Variants in LRP1B observed in about 807,000 individuals in gnomAD.
The protein encoded by LRP1B is low-density lipoprotein receptor-related protein 1B.
Under a neutral mutation model 556.6 loss-of-function variants are expected in LRP1B, and 217 were observed. The ratio of observed to expected loss-of-function variants is 0.39; its 90% CI spans 0.35 to 0.44. The LOEUF is 0.44. Ranked by LOEUF, LRP1B falls within the 20% of genes least tolerant of loss-of-function variation. The pLI is 1.00. For missense variants in LRP1B, 5,053 were observed against 5,620.8 expected, an observed-to-expected ratio of 0.90 and a Z score of 3.23; for synonymous variants, 2,047 against 1,865.8, an observed-to-expected ratio of 1.10 and a Z score of -2.50.
intron 3 of LRP1B, among the ~76,000 whole-genome samples, chr2:141,260,126 A>G (rs1684629930): frequency 6.6e-6 from 1 of 151,842 alleles, no homozygotes; most frequent in Non-Finnish European, 1.5e-5. Context: ...TTTGTTTGGT[A>G]AGTTCTCTCA....
At chr2:140,260,922 T>A (rs936708136) in intron 86 of LRP1B, among the ~76,000 whole-genome samples, 1 of 151,512 alleles carries the variant, frequency 6.6e-6, no homozygotes, top group Non-Finnish European at 1.5e-5. Flanking sequence ...CAAAGCCAAT[T>A]TTTTTTTGTC....
At chr2:141,698,654 T>C (rs1691824625) in intron 2 of LRP1B, among the ~76,000 whole-genome samples, 2 of 151,750 alleles carry the variant, frequency 1.3e-5, no homozygotes, top group Non-Finnish European at 2.9e-5. Context: ...ATTTCTCTGA[T>C]TATCTGACTG....
intron 18 of LRP1B, among the ~76,000 whole-genome samples, chr2:140,966,288 C>G (rs1351689494): frequency 6.6e-6 from 1 of 152,178 alleles, no homozygotes; most frequent in Admixed American, 6.5e-5. Context: ...TTTTGATTTG[C>G]ATTTCTCTGA....
chr2:141,818,375 T>G (rs1696628342), intron 1 of LRP1B, among the ~76,000 whole-genome samples: 1 of 152,158 alleles, frequency 6.6e-6, no homozygotes, highest in South Asian at 2.1e-4. Context: ...AGATAAAGAA[T>G]AAATTGCTCA....
rs1558825542 is a variant in LRP1B at position 140,356,448 on chromosome 2, A to AATATCACCGT, written c.11423_11424insACGGTGATAT (p.Asn3808LysfsTer3). ...ATGCATCATCTCCACATGGATTCAC[A>AATATCACCGT]TTATCTTCACAGGTATATTCAGTAG... On this transcript the variant is annotated stop_gained and frameshift_variant, in exon 75 of 91. Transcript: ENST00000389484. LOFTEE classifies it high-confidence loss of function. The AATATCACCGT allele has an allele frequency of 6.2e-7, 1 of 1,606,934 alleles. No individual in the cohort carries two copies. The highest frequency in any genetic ancestry group is 1.7e-5 in the Admixed American group (1 of 59,852).
intron 66 of LRP1B, among the ~76,000 whole-genome samples, chr2:140,387,192 C>A (rs1196371615): frequency 6.6e-6 from 1 of 152,242 alleles, no homozygotes; most frequent in East Asian, 1.9e-4. Flanking sequence ...CTCAGACTAG[C>A]AAAACAAATT....
chr2:140,628,074 C>G (rs1264953295), intron 41 of LRP1B, among the ~76,000 whole-genome samples: 1 of 152,134 alleles, frequency 6.6e-6, no homozygotes, highest in Non-Finnish European at 1.5e-5. Context: ...CAAGGACTTT[C>G]CTTTGAAAGT....
At chr2:141,995,697 G>C (rs1032761337) in intron 1 of LRP1B, among the ~76,000 whole-genome samples, 2 of 152,126 alleles carry the variant, frequency 1.3e-5, no homozygotes, top group African/African-American at 4.8e-5. Context: ...CCATTAGAAA[G>C]CTTCATCTTG....
intron 35 of LRP1B, among the ~76,000 whole-genome samples, chr2:140,735,895 A>G (rs1020432514): frequency 1.1e-4 from 17 of 152,116 alleles, no homozygotes; most frequent in African/African-American, 3.1e-4. Flanking sequence ...AGGACCAGGG[A>G]AAAAAACCCT....
At position 140,769,311 on chromosome 2, in the gene LRP1B, T is replaced by C. The variant is rs1689223736; in HGVS notation, c.5660A>G (p.Glu1887Gly). The C allele has an allele frequency of 1.2e-6, 2 of 1,611,934 alleles. No individual in the cohort carries two copies. Among genetic ancestry groups the C allele is most frequent in the African/African-American group, 1.3e-5 (1 of 74,942 alleles). ...IESFLMYSVHEGIRGIPLEPS... is the reference protein window; with the variant it reads ...IESFLMYSVHGGIRGIPLEPS... Reference sequence around the variant, plus strand: ...TTCAAGAGGTATTCCCCTGATTCCTTCATGAACAGAGTACATAAGAAATGA... The same window carrying C: ...TTCAAGAGGTATTCCCCTGATTCCTCCATGAACAGAGTACATAAGAAATGA... Residue 1887 changes from glutamate (E) to glycine (G), a missense_variant, in exon 35 of 91, where the codon GAA becomes GGA. Transcript: ENST00000389484.
At chr2:140,980,548 T>A (rs1160986431) in intron 18 of LRP1B, among the ~76,000 whole-genome samples, 3 of 152,220 alleles carry the variant, frequency 2.0e-5, no homozygotes, top group Non-Finnish European at 2.9e-5. Context: ...ACTTACTTTA[T>A]CTATACTTTA....
At chr2:141,098,838 G>A (rs139493523) in intron 7 of LRP1B, among the ~76,000 whole-genome samples, 1,704 of 152,234 alleles carry the variant, frequency 0.011, 14 homozygotes, top group Non-Finnish European at 0.016. Flanking sequence ...TGTATTTTTA[G>A]TAGATATGGA....
At chr2:142,031,330 A>ATTTTTTTTTTTTTTTTTTTTTTTTTTTT (rs560363480) in intron 1 of LRP1B, among the ~76,000 whole-genome samples, 3 of 117,050 alleles carry the variant, frequency 2.6e-5, no homozygotes, top group Admixed American at 9.9e-5. Flanking sequence ...GATTATACTT[A>ATTTTTTTTTTTTTTTTTTTTTTTTTTTT]TTTTTTTTTT....
intron 7 of LRP1B, among the ~76,000 whole-genome samples, chr2:141,104,621 TG>T (rs1700560580): frequency 1.3e-5 from 2 of 152,100 alleles, no homozygotes; most frequent in African/African-American, 2.4e-5. Flanking sequence ...TATTCTTAAT[TG>T]GTTGCTGAAA....
At chr2:140,540,771 T>C (rs1437544963) in intron 45 of LRP1B, among the ~76,000 whole-genome samples, 1 of 152,068 alleles carries the variant, frequency 6.6e-6, no homozygotes. Flanking sequence ...TTTGTTACCA[T>C]TTTGGTTATC....
intron 1 of LRP1B, among the ~76,000 whole-genome samples, chr2:142,120,980 G>A (rs1215089013): frequency 6.6e-6 from 1 of 152,130 alleles, no homozygotes; most frequent in African/African-American, 2.4e-5. Context: ...AAAATGGAAT[G>A]TACCCATTTA....
rs143224091 is a variant in LRP1B at position 141,128,314 on chromosome 2, T to A, written c.1013+60107A>T. Reference sequence around the variant, plus strand: ...AACAAAACAACAACAACAAAAGGTTTTGGATCTTCACTACAGATAGTTCGA... The same window carrying A: ...AACAAAACAACAACAACAAAAGGTTATGGATCTTCACTACAGATAGTTCGA... On this transcript the variant is annotated intron_variant, in intron 7 of 90. Coordinates refer to ENST00000389484, the MANE Select transcript of LRP1B (RefSeq NM_018557.3). Among the ~76,000 whole-genome samples, 26 of 152,364 alleles carry A rather than the reference T, an allele frequency of 1.7e-4. No individual in the cohort carries two copies. The East Asian group carries it at 5.0e-3, about 29-fold the overall frequency.
chr2:141,489,799 A>G (rs1574006222), intron 2 of LRP1B, among the ~76,000 whole-genome samples: 1 of 152,186 alleles, frequency 6.6e-6, no homozygotes, highest in Non-Finnish European at 1.5e-5. Flanking sequence ...TCAACTTCCA[A>G]GTAAAACAAT....
At chr2:140,454,788 C>G (rs1473961881) in intron 62 of LRP1B, among the ~76,000 whole-genome samples, 1 of 151,914 alleles carries the variant, frequency 6.6e-6, no homozygotes, top group African/African-American at 2.4e-5. Context: ...AAGTGTTATC[C>G]CTTTGATGCC....
Sources: gnomAD v4.1 joint callset for allele counts (sites outside exome capture counted in the v4.1 genomes callset) on GRCh38, gnomAD v4.1.1 for gene constraint, MANE v1.5 for transcripts, NCBI Gene and HGNC (gene_info 2026-07-23, HGNC 2026-07-21) for gene names.